Variants in CTNNA2 observed in about 807,000 individuals in gnomAD.
CTNNA2 encodes the protein catenin alpha-2.
CTNNA2 carries 42 observed loss-of-function variants against 101.0 expected under a neutral mutation model. That is an observed-to-expected ratio of 0.42 (90% CI 0.32 to 0.54). CTNNA2 has a LOEUF of 0.54. Among genes scored for constraint, CTNNA2 ranks in the 20% least tolerant of loss-of-function variants. The pLI, the probability that CTNNA2 is intolerant of heterozygous loss-of-function variation, is 0.14. For synonymous variants in CTNNA2, 450 were observed against 456.4 expected, an observed-to-expected ratio of 0.99 and a Z score of 0.18; for missense variants, 871 against 1,223.1, an observed-to-expected ratio of 0.71 and a Z score of 4.29.
chr2:80,534,666 A>C (rs1353831952), intron 9 of CTNNA2, among the ~76,000 whole-genome samples: 1 of 152,152 alleles, frequency 6.6e-6, no homozygotes, highest in Non-Finnish European at 1.5e-5. Flanking sequence ...CATTCGGATG[A>C]TATGTTGGTG....
intron 18 of CTNNA2, among the ~76,000 whole-genome samples, chr2:80,644,614 T>C (rs1010055370): frequency 1.3e-5 from 2 of 152,206 alleles, no homozygotes; most frequent in African/African-American, 2.4e-5. Flanking sequence ...ATCTAAATCA[T>C]GAAAGTGCAT....
intron 6 of CTNNA2, among the ~76,000 whole-genome samples, chr2:79,878,556 G>C (rs1445373024): frequency 6.6e-6 from 1 of 152,048 alleles, no homozygotes; most frequent in Non-Finnish European, 1.5e-5. Context: ...ATCTCATTGT[G>C]GTTTTGATTT....
chr2:80,224,170 G>A (rs953135716), intron 7 of CTNNA2, among the ~76,000 whole-genome samples: 1 of 152,132 alleles, frequency 6.6e-6, no homozygotes, highest in Non-Finnish European at 1.5e-5. Flanking sequence ...AATACAGAAA[G>A]AAGGACACTC....
chr2:79,415,307 G>C (rs1678465650), intron 4 of CTNNA2, among the ~76,000 whole-genome samples: 1 of 152,156 alleles, frequency 6.6e-6, no homozygotes, highest in Non-Finnish European at 1.5e-5. Context: ...CTTCTGCCAT[G>C]TTTGTAAGAT....
chr2:79,408,658 C>G (rs1678368295), intron 4 of CTNNA2, among the ~76,000 whole-genome samples: 1 of 152,032 alleles, frequency 6.6e-6, no homozygotes, highest in South Asian at 2.1e-4. Context: ...CATAGTATTC[C>G]ATGGTGTAAA....
intron 9 of CTNNA2, among the ~76,000 whole-genome samples, chr2:80,512,184 G>A (rs1049563756): frequency 9.5e-5 from 14 of 147,358 alleles, no homozygotes; most frequent in Admixed American, 4.7e-4. Context: ...AAGTATATGG[G>A]AAACCATAAT....
intron 7 of CTNNA2, among the ~76,000 whole-genome samples, chr2:80,322,699 C>T (rs931522147): frequency 6.6e-6 from 1 of 152,124 alleles, no homozygotes; most frequent in African/African-American, 2.4e-5. Context: ...GTGCCAGTGT[C>T]GCCTTGTCCA....
chr2:80,085,004 G>T (rs987537134), intron 7 of CTNNA2, among the ~76,000 whole-genome samples: 19 of 151,990 alleles, frequency 1.3e-4, no homozygotes, highest in Admixed American at 9.2e-4. Context: ...AACGTTTGAG[G>T]GGTAAGTTGA....
intron 7 of CTNNA2, among the ~76,000 whole-genome samples, chr2:80,316,614 G>A (rs1678150158): frequency 1.3e-5 from 2 of 152,140 alleles, no homozygotes. Flanking sequence ...GAGAGAGAGA[G>A]GAAAAAGCAA....
intron 7 of CTNNA2, among the ~76,000 whole-genome samples, chr2:80,336,527 C>G (rs1671777374): frequency 6.6e-6 from 1 of 152,078 alleles, no homozygotes; most frequent in Non-Finnish European, 1.5e-5. Context: ...AGATTATTAT[C>G]CAAAGTTTGA....
At position 79,476,372 on chromosome 2, in the gene CTNNA2, GGC is replaced by G. The variant is rs1158513772; in HGVS notation, c.-134-28681_-134-28680del. 4.0e-3 allele frequency among the ~76,000 whole-genome samples: 616 copies of G among 152,270 alleles called. 4 individuals are homozygous for G. The highest frequency in any genetic ancestry group is 0.014 in the African/African-American group (570 of 41,556). ...AAATCCTGAGCATCCAAGAGAACTG[GGC>G]TGAAGGGAGCCCAGATTGCAGCCTG... On this transcript the variant is annotated intron_variant, in intron 4 of 21. Transcript: ENST00000466387.
At chr2:79,650,821 G>A (rs1225092763) in intron 1 of CTNNA2, among the ~76,000 whole-genome samples, 1 of 123,906 alleles carries the variant, frequency 8.1e-6, no homozygotes, top group African/African-American at 3.2e-5. Context: ...AGAGTGTGAT[G>A]TTCCCCTTCC....
intron 2 of CTNNA2, among the ~76,000 whole-genome samples, chr2:79,738,298 C>T (rs1671041490): frequency 6.6e-6 from 1 of 152,166 alleles, no homozygotes; most frequent in Non-Finnish European, 1.5e-5. Flanking sequence ...TGCGGAATTT[C>T]TTCTCTTTAA....
At chr2:80,489,982 T>C (rs746744593) in intron 9 of CTNNA2, among the ~76,000 whole-genome samples, 11 of 152,144 alleles carry the variant, frequency 7.2e-5, no homozygotes, top group Non-Finnish European at 1.2e-4. Context: ...AAAAGGGATA[T>C]GAATCAGACC....
intron 2 of CTNNA2, among the ~76,000 whole-genome samples, chr2:79,278,752 T>C (rs1160784165): frequency 6.6e-6 from 1 of 152,064 alleles, no homozygotes; most frequent in African/African-American, 2.4e-5. Flanking sequence ...AAGCTAATAA[T>C]GGAGAGTGTC....
Position 80,555,800 on chromosome 2 carries a change from G to T in CTNNA2, c.1648G>T (p.Val550Phe). ...AGAIRGRAAR[V>F]IHIINAEMEN... ...GGCCATCAGGGGCCGGGCAGCTCGA[G>T]TCATACACATCATCAATGCTGAGAT... The change falls in exon 12 of 19, where the codon GTC becomes TTC. Residue 550 changes from valine to phenylalanine, a missense_variant. Physicochemically the swap from Val to Phe is conservative, Grantham distance 50. Around this residue, in one of 5 missense-constraint regions of CTNNA2, gnomAD observed 647 missense variants for 831.5 expected, o/e 0.78. Coordinates refer to ENST00000402739, the MANE Select transcript of CTNNA2 (RefSeq NM_001282597.3). The T allele has an allele frequency of 6.2e-7, 1 of 1,601,504 alleles. No individual in the cohort carries two copies. The highest frequency in any genetic ancestry group is 8.5e-7 in the Non-Finnish European group (1 of 1,174,130).
At chr2:80,550,932 A>G (rs1692506254) in intron 11 of CTNNA2, among the ~76,000 whole-genome samples, 1 of 152,160 alleles carries the variant, frequency 6.6e-6, no homozygotes, top group Non-Finnish European at 1.5e-5. Context: ...GAAGGCCTTT[A>G]ATTTACTTTG....
At chr2:80,422,746 A>C (rs1252915680) in intron 9 of CTNNA2, among the ~76,000 whole-genome samples, 1 of 152,174 alleles carries the variant, frequency 6.6e-6, no homozygotes, top group Non-Finnish European at 1.5e-5. Context: ...TATCAAAGTT[A>C]TGCTTTCCCT....
chr2:79,227,290 A>G (rs935382269), intron 2 of CTNNA2, among the ~76,000 whole-genome samples: 1 of 152,210 alleles, frequency 6.6e-6, no homozygotes, highest in African/African-American at 2.4e-5. Flanking sequence ...ACCCAGGGGT[A>G]GGACTAGAAG....
Sources: gnomAD v4.1 joint callset for allele counts (sites outside exome capture counted in the v4.1 genomes callset) on GRCh38, gnomAD v4.1.1 for gene constraint, gnomAD v4.1.1 regional missense constraint, MANE v1.5 for transcripts, NCBI Gene and HGNC (gene_info 2026-07-23, HGNC 2026-07-21) for gene names.